MYO9A: variants seen among roughly 807,000 people sequenced by gnomAD.
MYO9A encodes the protein unconventional myosin-IXa.
Under a neutral mutation model 293.3 loss-of-function variants are expected in MYO9A, and 103 were observed. The ratio of observed to expected loss-of-function variants is 0.35; its 90% CI spans 0.30 to 0.41. The LOEUF is 0.41. MYO9A is among the 10% of genes least tolerant of loss of function. The probability of loss-of-function intolerance (pLI) is 1.00; values close to 1 mark genes in which losing one functional copy is unlikely to be tolerated. For synonymous variants in MYO9A, 1,001 were observed against 1,035.7 expected (o/e 0.97, Z 0.64); for missense variants, 2,685 against 3,033.0 (o/e 0.89, Z 2.69).
chr15:72,047,691 T>G (rs1379472940), intron 1 of MYO9A, among the ~76,000 whole-genome samples: 2 of 151,824 alleles, frequency 1.3e-5, no homozygotes, highest in African/African-American at 2.4e-5. Context: ...TCATCAATAT[T>G]TACCTTATTT....
At chr15:72,049,009 A>T (rs2078476148) in intron 1 of MYO9A, among the ~76,000 whole-genome samples, 1 of 152,198 alleles carries the variant, frequency 6.6e-6, no homozygotes, top group African/African-American at 2.4e-5. Flanking sequence ...ATGTAATTTA[A>T]TATTTTTCAG....
intron 40 of MYO9A, 45 bp from the exon 41 acceptor site, chr15:71,828,071 G>A: frequency 6.3e-7 from 1 of 1,580,916 alleles, no homozygotes; most frequent in Non-Finnish European, 8.6e-7. Context: ...ATAGGAAGTG[G>A]AAGGAAGATA....
At chr15:71,943,524 T>G (rs1459266157) in intron 15 of MYO9A, among the ~76,000 whole-genome samples, 1 of 152,144 alleles carries the variant, frequency 6.6e-6, no homozygotes, top group Non-Finnish European at 1.5e-5. Context: ...AACATGTAAT[T>G]AAACATTTTT....
intron 18 of MYO9A, among the ~76,000 whole-genome samples, chr15:71,928,315 G>A (rs2058382831): frequency 6.6e-6 from 1 of 150,838 alleles, no homozygotes; most frequent in Non-Finnish European, 1.5e-5. Context: ...CTGACCTCAT[G>A]ATCCACCCGC....
chr15:71,840,168 G>A (rs2055093312), intron 39 of MYO9A, among the ~76,000 whole-genome samples: 1 of 152,190 alleles, frequency 6.6e-6, no homozygotes, highest in Admixed American at 6.5e-5. Context: ...TGTTGTAACT[G>A]GACATACCCC....
intron 34 of MYO9A, among the ~76,000 whole-genome samples, chr15:71,855,252 C>T (rs2055818874): frequency 6.6e-6 from 1 of 152,182 alleles, no homozygotes; most frequent in African/African-American, 2.4e-5. Flanking sequence ...TCTCGTGCCT[C>T]AGCCTCCCAA....
At chr15:71,982,113 G>A (rs975192477) in intron 11 of MYO9A, among the ~76,000 whole-genome samples, 5 of 143,082 alleles carry the variant, frequency 3.5e-5, no homozygotes, top group African/African-American at 7.7e-5. Context: ...TCCGCCTCGC[G>A]GGTTCACACC....
chr15:71,970,593 A>T (rs2147372896), intron 12 of MYO9A, among the ~76,000 whole-genome samples: 1 of 152,316 alleles, frequency 6.6e-6, no homozygotes, highest in Non-Finnish European at 1.5e-5. Context: ...CATCTTCTGG[A>T]ATGTTAAAGC....
chr15:72,077,733 GAAAAAA>G (rs60518266), intron 1 of MYO9A, among the ~76,000 whole-genome samples: 2,090 of 87,174 alleles, frequency 0.024, 7 homozygotes, highest in Non-Finnish European at 0.027. Flanking sequence ...CTGTCTCAAA[GAAAAAA>G]AAAAAAAAAA....
Position 71,826,714 on chromosome 15 carries a change from C to T in MYO9A, c.7513G>A (p.Val2505Met). The change falls in exon 42 of 42, where the codon GTG becomes ATG. Residue 2505 changes from valine to methionine, a missense_variant. Transcript: ENST00000356056. ...PEKGKQKLKN[V>M]KNSPQKTKET... is the part of the protein sequence containing the mutation. ...TTGGTTTTCTGAGGTGAGTTTTTCA[C>T]ATTCTTTAATTTTTGTTTGCCCTTT... is the stretch of plus-strand genomic sequence containing the variant. 4 of 1,614,116 alleles carry T rather than the reference C, an allele frequency of 2.5e-6. No homozygotes were observed. The highest frequency in any genetic ancestry group is 1.7e-5 in the Admixed American group (1 of 60,014).
intron 39 of MYO9A, among the ~76,000 whole-genome samples, chr15:71,834,547 G>A (rs1051995263): frequency 3.3e-5 from 5 of 152,074 alleles, no homozygotes; most frequent in Non-Finnish European, 7.4e-5. Context: ...TGAGGCAGGT[G>A]GATCGCTTGA....
chr15:72,099,460 G>C (rs1165484101), intron 1 of MYO9A, among the ~76,000 whole-genome samples: 1 of 148,794 alleles, frequency 6.7e-6, no homozygotes, highest in African/African-American at 2.5e-5. Context: ...AAATTAGCCA[G>C]GTCTAGTGAC....
chr15:72,014,781 A>C (rs1418732172), intron 6 of MYO9A, among the ~76,000 whole-genome samples: 1 of 151,998 alleles, frequency 6.6e-6, no homozygotes, highest in East Asian at 1.9e-4. Flanking sequence ...AGAAAGAAAG[A>C]AAAGAAAGAA....
At chr15:71,906,693 A>T (rs568710480) in intron 19 of MYO9A, among the ~76,000 whole-genome samples, 7 of 147,168 alleles carry the variant, frequency 4.8e-5, no homozygotes, top group African/African-American at 1.5e-4. Flanking sequence ...GTATTTAAAG[A>T]GGTTTCTTGT....
At chr15:71,900,506 A>G (rs2057454115) in intron 23 of MYO9A, among the ~76,000 whole-genome samples, 2 of 152,128 alleles carry the variant, frequency 1.3e-5, no homozygotes, top group Admixed American at 1.3e-4. Context: ...TAAATAGAAA[A>G]AAGTTTTCTC....
chr15:71,867,849 C>T (rs912714368), intron 32 of MYO9A, among the ~76,000 whole-genome samples: 3 of 137,496 alleles, frequency 2.2e-5, no homozygotes, highest in Admixed American at 7.6e-5. Context: ...CACACACACA[C>T]GGTTATTCAT....
At chr15:72,104,165 A>G (rs1360459295) in intron 1 of MYO9A, among the ~76,000 whole-genome samples, 2 of 152,226 alleles carry the variant, frequency 1.3e-5, no homozygotes, top group Non-Finnish European at 2.9e-5. Context: ...AGCAGCAGAA[A>G]GCAGCAGCTC....
intron 11 of MYO9A, among the ~76,000 whole-genome samples, chr15:71,980,021 C>T (rs1001273615): frequency 1.3e-5 from 2 of 150,878 alleles, no homozygotes; most frequent in African/African-American, 4.9e-5. Context: ...CTACTTTTTT[C>T]TTTTTTTTTA....
intron 14 of MYO9A, among the ~76,000 whole-genome samples, chr15:71,954,335 G>C (rs1225185919): frequency 6.6e-6 from 1 of 152,086 alleles, no homozygotes; most frequent in Non-Finnish European, 1.5e-5. Flanking sequence ...TGAGTAGCTG[G>C]AACTACAGGC....
Sources: allele counts gnomAD v4.1 joint callset (sites outside exome capture counted in the v4.1 genomes callset), GRCh38; gene constraint gnomAD v4.1.1; transcripts MANE v1.5; gene names NCBI Gene and HGNC (gene_info 2026-07-23, HGNC 2026-07-21).